The following AZIN2 variants were observed in gnomAD, a reference collection of about 807,000 sequenced individuals.
AZIN2 encodes the protein antizyme inhibitor 2, also known as ODC antizyme inhibitor-2.
A neutral mutation model predicts 47.8 loss-of-function variants in AZIN2; 28 were observed. That is an observed-to-expected ratio of 0.59 (90% CI 0.43 to 0.80). AZIN2 has a LOEUF of 0.80. AZIN2 is among the 30% of genes least tolerant of loss of function. The probability of loss-of-function intolerance (pLI) is 0.00; values close to 1 mark genes in which losing one functional copy is unlikely to be tolerated. For missense variants in AZIN2, 535 were observed against 582.5 expected (o/e 0.92, Z 0.84); for synonymous variants, 221 against 239.4 (o/e 0.92, Z 0.71).
chr1:33,165,289 T>A, the AZIN2 span: 1 of 540,498 alleles, frequency 1.9e-6, no homozygotes, highest in Admixed American at 3.4e-5. The surrounding 1 kb of genome is among the most constrained non-coding windows in gnomAD (Gnocchi z 4.0). Context: ...TGCCGCCCCA[T>A]TGAACTTCAC....
chr1:33,118,273 G>A, intron 11 of AZIN2, 157 bp downstream of exon 11: 1 of 797,120 alleles, frequency 1.3e-6, no homozygotes, highest in Non-Finnish European at 1.8e-6. Context: ...CCTGGCTGTG[G>A]CCATAAGTGA....
At chr1:33,138,144 G>A in the AZIN2 span, among the ~76,000 whole-genome samples, 1 of 152,182 alleles carries the variant, frequency 6.6e-6, no homozygotes, top group African/African-American at 2.4e-5. Flanking sequence ...AGTAGGCAGA[G>A]GTTACACCCT....
Position 33,120,026 on chromosome 1 carries a change from C to A in AZIN2, c.1245-18C>A. On this transcript the variant is annotated intron_variant, in intron 11 of 11. Coordinates refer to ENST00000294517, the MANE Select transcript of AZIN2 (RefSeq NM_052998.4). ...AGTCCCATGCTGGCTACTTGCAGCA[C>A]CCCTCTCTCACCCCTAGGGAAGCGC... is the stretch of plus-strand genomic sequence containing the variant. 3 of 1,613,358 alleles carry A rather than the reference C, an allele frequency of 1.9e-6. No homozygotes were observed. Among genetic ancestry groups the A allele is most frequent in the Non-Finnish European group, 2.5e-6 (3 of 1,179,858 alleles).
intron 10 of AZIN2, among the ~76,000 whole-genome samples, chr1:33,112,893 G>T (rs1644351443): frequency 6.6e-6 from 1 of 152,138 alleles, no homozygotes; most frequent in Non-Finnish European, 1.5e-5. Context: ...AAATTAGGGA[G>T]AATTCTCTTT....
At chr1:33,109,402 C>T (rs1332158165) in intron 10 of AZIN2, among the ~76,000 whole-genome samples, 1 of 151,406 alleles carries the variant, frequency 6.6e-6, no homozygotes, top group African/African-American at 2.4e-5. Flanking sequence ...GATCTTGGCT[C>T]ACTGCAACCT....
At chr1:33,165,235 G>A in the AZIN2 span, 20 of 420,252 alleles carry the variant, frequency 4.8e-5, no homozygotes, top group South Asian at 7.6e-4. This position sits in a 1 kb window ranked among gnomAD's most constrained non-coding sequence, Gnocchi z 4.0. Flanking sequence ...GTCCTTAACC[G>A]AGGGACCAGC....
Position 33,113,123 on chromosome 1 carries a change from C to T in AZIN2, c.1030-4779C>T, listed in dbSNP as rs576869133. 3.9e-5 allele frequency among the ~76,000 whole-genome samples: 6 copies of T among 152,100 alleles called. No individual in the cohort carries two copies. Among genetic ancestry groups the T allele is most frequent in the Admixed American group, 3.9e-4 (6 of 15,268 alleles). Reference sequence around the variant, plus strand: ...CCTCCCAAATACCTGGGACTACAGGCGCCCGCCACCATGCCTGGAGAGATG... The same window carrying T: ...CCTCCCAAATACCTGGGACTACAGGTGCCCGCCACCATGCCTGGAGAGATG... On this transcript the variant is annotated intron_variant, in intron 10 of 11. Transcript: ENST00000294517. This position sits in a 1 kb window ranked among gnomAD's most constrained non-coding sequence, Gnocchi z 4.1.
At chr1:33,087,352 C>T (rs1642031357) in intron 5 of AZIN2, among the ~76,000 whole-genome samples, 2 of 151,446 alleles carry the variant, frequency 1.3e-5, no homozygotes, top group Admixed American at 6.6e-5. Flanking sequence ...AGGCTGGTCT[C>T]GAACTCCCGA....
chr1:33,097,503 A>G (rs1249463709), intron 9 of AZIN2, among the ~76,000 whole-genome samples: 2 of 152,172 alleles, frequency 1.3e-5, no homozygotes, highest in Non-Finnish European at 2.9e-5. Context: ...GACAGGTGTC[A>G]GGGACTCTGA....
chr1:33,133,071 G>A, the AZIN2 span, among the ~76,000 whole-genome samples: 1 of 152,238 alleles, frequency 6.6e-6, no homozygotes, highest in Non-Finnish European at 1.5e-5. Flanking sequence ...GCCCCATCAG[G>A]CCCAGTGGGT....
At chr1:33,133,370 A>T in the AZIN2 span, among the ~76,000 whole-genome samples, 1 of 152,222 alleles carries the variant, frequency 6.6e-6, no homozygotes, top group Non-Finnish European at 1.5e-5. Flanking sequence ...CAGATCTGAT[A>T]GGGCCTTTCC....
At chr1:33,087,329 C>T (rs1382351791) in intron 5 of AZIN2, among the ~76,000 whole-genome samples, 6 of 151,730 alleles carry the variant, frequency 4.0e-5, no homozygotes, top group Non-Finnish European at 7.4e-5. Context: ...GATGGGGTTT[C>T]TCCATGTTGG....
rs1641347533 is a variant in AZIN2, at chr1:33,082,199, C to T, written c.-51C>T. On this transcript the variant is annotated 5_prime_UTR_variant, in exon 4 of 12. Transcript: ENST00000294517. ...GCAGTGTGTTGCATACTTTCTAAGG[C>T]GGCGGCTGCAGCAGCGGCTCCATCC... The T allele has an allele frequency of 3.4e-6, 5 of 1,479,046 alleles. No homozygotes were observed. The East Asian group carries it at 1.1e-4, about 34-fold the overall frequency. 91.6% of individuals were successfully genotyped at this position (1,479,046 alleles called of 1,614,324 possible).
At position 33,092,212 on chromosome 1, in the gene AZIN2, C is replaced by T. The variant is rs151245414; in HGVS notation, c.442C>T (p.Pro148Ser). Residue 148 changes from proline (P) to serine (S), a missense_variant, in exon 6 of 12, where the codon CCC (proline) becomes TCC (serine). By Grantham distance (74) the Pro-to-Ser change is moderately conservative. Around this residue, in one of 3 missense-constraint regions of AZIN2, gnomAD observed 409 missense variants for 429.0 expected, o/e 0.95. Transcript: ENST00000294517. The part of the protein sequence containing the change: ...MELAKVVKSH[P>S]SAKMVLCIAT... ...GCTGGCAAAGGTGGTAAAGAGCCAC[C>T]CCAGTGCCAAGTAAGCTGAGAACCA... is the stretch of plus-strand genomic sequence containing the variant. 7.3e-4 allele frequency: 1,180 copies of T among 1,613,774 alleles called. 11 individuals carry two copies. In the African/African-American group the frequency reaches 0.014, roughly 19 times the overall value.
chr1:33,127,659 A>G (rs1254584606), downstream of AZIN2, among the ~76,000 whole-genome samples: 2 of 152,370 alleles, frequency 1.3e-5, no homozygotes, highest in African/African-American at 4.8e-5. Flanking sequence ...GGATCTGGGT[A>G]AAAGAACCGA....
rs1037459498 is a variant in AZIN2, at chr1:33,108,899, T to C, written c.1030-9003T>C. Among the ~76,000 whole-genome samples the C allele has an allele frequency of 2.6e-5, 4 of 152,224 alleles. No individual in the cohort carries two copies. The East Asian group carries it at 7.7e-4, about 29-fold the overall frequency. On this transcript the variant is annotated intron_variant, in intron 10 of 11. Transcript: ENST00000294517. ...TTGGGTAAATACTAAGGAGTACAAT[T>C]GCTGGATCATATGGTAAGAATATGT... is the stretch of plus-strand genomic sequence containing the variant.
chr1:33,145,109 G>A, the AZIN2 span, among the ~76,000 whole-genome samples: 3 of 152,208 alleles, frequency 2.0e-5, no homozygotes, highest in African/African-American at 7.2e-5. Context: ...TGAGCTGCCT[G>A]CTGCCTGCTC....
chr1:33,150,410 T>C, the AZIN2 span, among the ~76,000 whole-genome samples: 2 of 152,256 alleles, frequency 1.3e-5, no homozygotes, highest in Non-Finnish European at 2.9e-5. Flanking sequence ...CCTCTGTTCA[T>C]ATACCCACTG....
At chr1:33,137,749 C>T in the AZIN2 span, among the ~76,000 whole-genome samples, 8 of 152,176 alleles carry the variant, frequency 5.3e-5, no homozygotes, top group Non-Finnish European at 8.8e-5. Flanking sequence ...CTTGGCCCAC[C>T]TCTGATACCT....
Sources: gnomAD v4.1 joint callset for allele counts (sites outside exome capture counted in the v4.1 genomes callset) on GRCh38, gnomAD v4.1.1 for gene constraint, gnomAD v4.1.1 regional missense constraint, Gnocchi (gnomAD v3.1) non-coding constraint, MANE v1.5 for transcripts, NCBI Gene and HGNC (gene_info 2026-07-23, HGNC 2026-07-21) for gene names.